PCLO: variants seen among roughly 807,000 people sequenced by gnomAD.
PCLO encodes the protein protein piccolo.
In PCLO, 82 loss-of-function variants were observed where a neutral mutation model predicts 427.5. That is an observed-to-expected ratio of 0.19 (90% CI 0.16 to 0.23). The LOEUF (loss-of-function observed/expected upper bound fraction) is 0.23, where lower values mean the gene tolerates loss of function less well. Among genes scored for constraint, PCLO ranks in the 10% least tolerant of loss-of-function variants. The pLI, the probability that PCLO is intolerant of heterozygous loss-of-function variation, is 1.00. For missense variants in PCLO, 6,239 were observed against 6,115.9 expected (o/e 1.02, Z -0.67); for synonymous variants, 2,357 against 2,155.4 (o/e 1.09, Z -2.59).
chr7:82,816,763 A>C (rs1791687326), intron 20 of PCLO, among the ~76,000 whole-genome samples: 1 of 152,124 alleles, frequency 6.6e-6, no homozygotes, highest in Admixed American at 6.6e-5. Context: ...ACGTCAGATG[A>C]AATGAACATA....
chr7:82,848,437 A>G (rs1792564286), intron 10 of PCLO, among the ~76,000 whole-genome samples: 3 of 149,630 alleles, frequency 2.0e-5, no homozygotes, highest in African/African-American at 7.3e-5. Flanking sequence ...CAGCCTCCCA[A>G]GTAGCTGGGA....
chr7:82,801,209 T>TTTTTTTTTTTTTTG (rs1265299292), intron 22 of PCLO, among the ~76,000 whole-genome samples: 2 of 147,282 alleles, frequency 1.4e-5, no homozygotes, highest in Non-Finnish European at 3.0e-5. Flanking sequence ...GTTATATTTT[T>TTTTTTTTTTTTTTG]AAGTTCAAGA....
At chr7:83,089,786 G>T (rs1297847648) in intron 3 of PCLO, among the ~76,000 whole-genome samples, 1 of 152,096 alleles carries the variant, frequency 6.6e-6, no homozygotes, top group Non-Finnish European at 1.5e-5. Context: ...TGGGGTTCCA[G>T]GGTACTACAT....
At chr7:82,847,616 C>T (rs10282666) in intron 10 of PCLO, among the ~76,000 whole-genome samples, 1 of 152,100 alleles carries the variant, frequency 6.6e-6, no homozygotes, top group Non-Finnish European at 1.5e-5. Flanking sequence ...TATAATTTTC[C>T]TGCGGGGAAC....
Position 82,950,556 on chromosome 7 carries a change from C to T in PCLO, c.10032G>A (p.Leu3344=). The T allele has an allele frequency of 1.2e-6, 2 of 1,613,808 alleles. No homozygotes were observed. The highest frequency in any genetic ancestry group is 1.7e-5 in the Admixed American group (1 of 60,006). The change falls in exon 6 of 25, where the codon CTG becomes CTA. Residue 3344 remains leucine (L), a synonymous_variant. Transcript: ENST00000333891. ...QAILEGQYAA[L]EGSQFWATED... is the part of the protein sequence containing the mutation. ...CAGTTGCCCAAAATTGACTGCCTTC[C>T]AGAGCAGCATACTGACCTTCCAAAA...
intron 3 of PCLO, among the ~76,000 whole-genome samples, chr7:82,989,121 G>T (rs1281715693): frequency 1.2e-4 from 19 of 152,036 alleles, no homozygotes; most frequent in Non-Finnish European, 5.9e-5. Flanking sequence ...ACTGCGCTTG[G>T]CCAAGGAGCA....
chr7:82,779,085 GTCT>G (rs1470251056), intron 22 of PCLO, among the ~76,000 whole-genome samples: 1 of 151,866 alleles, frequency 6.6e-6, no homozygotes, highest in Non-Finnish European at 1.5e-5. Flanking sequence ...CTGTATTCAC[GTCT>G]TCTTTTGTGA....
intron 10 of PCLO, among the ~76,000 whole-genome samples, chr7:82,879,088 G>A (rs1410323408): frequency 6.6e-6 from 1 of 152,054 alleles, no homozygotes; most frequent in African/African-American, 2.4e-5. Flanking sequence ...CAGTAAAAAA[G>A]TTTTGACTAG....
At chr7:82,785,387 G>C (rs1229739599) in intron 22 of PCLO, among the ~76,000 whole-genome samples, 5 of 152,152 alleles carry the variant, frequency 3.3e-5, no homozygotes, top group African/African-American at 1.2e-4. Flanking sequence ...ACCTCCTACT[G>C]TGTGGCCTGG....
rs368728137 is a variant in PCLO, at chr7:82,950,486, G to A, written c.10102C>T (p.Pro3368Ser). 18 of 1,613,712 alleles carry A rather than the reference G, an allele frequency of 1.1e-5. No homozygotes were observed. Among genetic ancestry groups the A allele is most frequent in the South Asian group, 7.7e-5 (7 of 91,064 alleles). The change falls in exon 6 of 25, where the codon CCA becomes TCA. Residue 3368 changes from proline (P) to serine (S), a missense_variant. Pro to Ser is a moderately conservative substitution (Grantham distance 74). Around this residue, in one of 5 missense-constraint regions of PCLO, gnomAD observed 4,677 missense variants for 4,468.4 expected, o/e 1.05. Coordinates refer to ENST00000333891, the MANE Select transcript of PCLO (RefSeq NM_033026.6). ...TASAVVAIEI[P>S]QSQGWYTVQS... ...ACGGTGTACCATCCTTGGCTTTGTGGTATTTCAATTGCCACAACAGCTGAA... is the reference window on the plus strand; with the variant it reads ...ACGGTGTACCATCCTTGGCTTTGTGATATTTCAATTGCCACAACAGCTGAA...
At chr7:82,897,264 C>T (rs1190410663) in intron 9 of PCLO, among the ~76,000 whole-genome samples, 1 of 151,532 alleles carries the variant, frequency 6.6e-6, no homozygotes, top group Non-Finnish European at 1.5e-5. Flanking sequence ...AACGTATTAC[C>T]TATTCTTTCC....
intron 3 of PCLO, among the ~76,000 whole-genome samples, chr7:82,978,028 A>G (rs1200213760): frequency 6.6e-6 from 1 of 152,118 alleles, no homozygotes; most frequent in Non-Finnish European, 1.5e-5. Flanking sequence ...TCCTAAAATT[A>G]AAGTTTTAGT....
At chr7:82,880,309 A>G (rs1190866677) in intron 9 of PCLO, 2 of 313,694 alleles carry the variant, frequency 6.4e-6, no homozygotes, top group African/African-American at 2.2e-5. Flanking sequence ...GTGGCACATG[A>G]GTACACTTTA....
At position 82,916,435 on chromosome 7, in the gene PCLO, G is replaced by C. The variant is rs765348242; in HGVS notation, c.11551C>G (p.His3851Asp). ...STRPTRIESQ[H>D]GIERPRTAPQ... ...GCAGTTCTTGGTCGCTCAATGCCATGCTGACTTTCTATTCGGGTTGGTCTT... is the reference window on the plus strand; with the variant it reads ...GCAGTTCTTGGTCGCTCAATGCCATCCTGACTTTCTATTCGGGTTGGTCTT... The change falls in exon 7 of 25, where the codon CAT becomes GAT. Residue 3851 changes from histidine (H) to aspartate (D), a missense_variant. This residue lies in a region of PCLO where 680 missense variants were observed against 677.3 expected (regional missense o/e 1.00). Coordinates refer to ENST00000333891, the MANE Select transcript of PCLO (RefSeq NM_033026.6). 1 of 1,613,674 alleles carries C rather than the reference G, an allele frequency of 6.2e-7. No homozygotes were observed. Among genetic ancestry groups the C allele is most frequent in the Admixed American group, 1.7e-5 (1 of 59,954 alleles).
chr7:83,037,994 T>C (rs1459973082), intron 3 of PCLO, among the ~76,000 whole-genome samples: 1 of 19,644 alleles, frequency 5.1e-5, no homozygotes, highest in African/African-American at 4.1e-4. Flanking sequence ...GGAGCTTATA[T>C]ATATATATAT....
chr7:83,020,792 G>C (rs1351757154), intron 3 of PCLO, among the ~76,000 whole-genome samples: 1 of 152,178 alleles, frequency 6.6e-6, no homozygotes, highest in East Asian at 1.9e-4. Context: ...AAATTAATCA[G>C]GGAAGAAGGG....
chr7:83,069,523 T>C (rs1789752222), intron 3 of PCLO, among the ~76,000 whole-genome samples: 1 of 152,120 alleles, frequency 6.6e-6, no homozygotes, highest in African/African-American at 2.4e-5. Context: ...CCTTTGAAAT[T>C]TCACATAAAT....
intron 10 of PCLO, among the ~76,000 whole-genome samples, chr7:82,878,070 G>A (rs1225609653): frequency 6.6e-6 from 1 of 152,170 alleles, no homozygotes; most frequent in Non-Finnish European, 1.5e-5. Context: ...AAACAAAAAG[G>A]TTTGAGTTAT....
intron 3 of PCLO, among the ~76,000 whole-genome samples, chr7:83,098,835 T>A (rs1484198465): frequency 2.0e-5 from 3 of 152,058 alleles, no homozygotes; most frequent in Non-Finnish European, 4.4e-5. Context: ...TCACAGAGAC[T>A]ATGAGTTAGT....
Sources: gnomAD v4.1 joint callset for allele counts (sites outside exome capture counted in the v4.1 genomes callset) on GRCh38, gnomAD v4.1.1 for gene constraint, gnomAD v4.1.1 regional missense constraint, MANE v1.5 for transcripts, NCBI Gene and HGNC (gene_info 2026-07-23, HGNC 2026-07-21) for gene names.